ODAD2: variants seen among roughly 807,000 people sequenced by gnomAD.
ODAD2 encodes outer dynein arm docking complex subunit 2.
Under a neutral mutation model 106.8 loss-of-function variants are expected in ODAD2, and 89 were observed. That is an observed-to-expected ratio of 0.83 (90% CI 0.70 to 0.99). The LOEUF is 0.99. Among genes scored for constraint, ODAD2 ranks in the 50% least tolerant of loss-of-function variants. The probability of loss-of-function intolerance (pLI) is 0.00; values close to 1 mark genes in which losing one functional copy is unlikely to be tolerated. For missense variants in ODAD2, 1,168 were observed against 1,238.5 expected (o/e 0.94, Z 0.85); for synonymous variants, 404 against 436.2 (o/e 0.93, Z 0.92).
intron 10 of ODAD2, among the ~76,000 whole-genome samples, chr10:27,951,086 A>G (rs1847298928): frequency 6.6e-6 from 1 of 152,188 alleles, no homozygotes; most frequent in Non-Finnish European, 1.5e-5. Context: ...ACATGGAAAA[A>G]AGCTATTAAA....
intron 19 of ODAD2, among the ~76,000 whole-genome samples, chr10:27,832,427 A>G (rs1243105722): frequency 1.3e-5 from 2 of 152,168 alleles, no homozygotes; most frequent in African/African-American, 4.8e-5. Context: ...AATATGTCAC[A>G]TGCTGCTAGC....
In ODAD2 at chr10:27,995,100, C is replaced by T. The variant is rs375424862; in HGVS notation, c.43G>A (p.Gly15Arg). 4.3e-5 allele frequency: 69 copies of T among 1,613,928 alleles called. No individual in the cohort carries two copies. The highest frequency in any genetic ancestry group is 4.3e-4 in the African/African-American group (32 of 74,862). The stretch of plus-strand genomic sequence containing the variant: ...ATTTCGAGGATTCCAGTTCCATGTC[C>T]GGCAGCAGTCCACTGCGTCAATTTC... ...LRKLTQWTAAGHGTGILEITP... is the reference protein window; with the variant it reads ...LRKLTQWTAARHGTGILEITP... The change falls in exon 2 of 20, where the codon GGA becomes AGA. Residue 15 changes from glycine to arginine, a missense_variant. Physicochemically the swap from Gly to Arg is moderately radical, Grantham distance 125 (BLOSUM62 -2). Around this residue, in one of 3 missense-constraint regions of ODAD2, gnomAD observed 430 missense variants for 452.2 expected, o/e 0.95. Transcript: ENST00000305242.
chr10:27,828,865 C>T (rs565258129), intron 19 of ODAD2, among the ~76,000 whole-genome samples: 89 of 152,102 alleles, frequency 5.9e-4, no homozygotes, highest in Non-Finnish European at 1.0e-3. Flanking sequence ...CTAAATTATA[C>T]CCATATTAAA....
chr10:27,870,376 TTAAG>T (rs1322980585), intron 17 of ODAD2, among the ~76,000 whole-genome samples: 1 of 152,094 alleles, frequency 6.6e-6, no homozygotes, highest in African/African-American at 2.4e-5. Flanking sequence ...TTATCACACT[TTAAG>T]TTCTAGGGTA....
intron 6 of ODAD2, chr10:27,982,021 G>GT (rs1849582591): frequency 6.6e-6 from 1 of 152,612 alleles, no homozygotes; most frequent in Non-Finnish European, 1.5e-5. Flanking sequence ...TCTTCTGTCT[G>GT]TGGCATGGTT....
chr10:27,918,455 T>C (rs188195075), intron 16 of ODAD2, among the ~76,000 whole-genome samples: 7 of 151,998 alleles, frequency 4.6e-5, no homozygotes, highest in African/African-American at 1.7e-4. Context: ...AATCATCTGA[T>C]CATCTCAATA....
At chr10:27,909,129 C>G (rs533923854) in intron 16 of ODAD2, among the ~76,000 whole-genome samples, 1 of 152,116 alleles carries the variant, frequency 6.6e-6, no homozygotes, top group South Asian at 2.1e-4. Context: ...ATATAACTAA[C>G]GCCAATCTCT....
At chr10:27,871,559 C>T (rs934758616) in intron 17 of ODAD2, among the ~76,000 whole-genome samples, 1 of 152,190 alleles carries the variant, frequency 6.6e-6, no homozygotes, top group Non-Finnish European at 1.5e-5. Context: ...GATCCAGTTT[C>T]ACCTTTCTAC....
At chr10:27,960,204 A>C (rs11006786) in intron 10 of ODAD2, among the ~76,000 whole-genome samples, 85,837 of 151,266 alleles carry the variant, frequency 0.57, 24,611 homozygotes, top group Middle Eastern at 0.66. Context: ...TGATGTTGGT[A>C]AAATCATTAG....
intron 4 of ODAD2, among the ~76,000 whole-genome samples, chr10:27,984,763 A>G (rs1048367218): frequency 2.6e-5 from 4 of 152,198 alleles, no homozygotes; most frequent in Non-Finnish European, 5.9e-5. Context: ...GTTTGTTCCA[A>G]TAAAATGTAA....
chr10:27,880,450 T>C (rs576336268), intron 17 of ODAD2, among the ~76,000 whole-genome samples: 1 of 152,334 alleles, frequency 6.6e-6, no homozygotes, highest in Admixed American at 6.5e-5. Flanking sequence ...TGGAATTACC[T>C]GGAGAGTTTT....
chr10:27,950,391 A>G (rs1847247465), intron 10 of ODAD2, among the ~76,000 whole-genome samples: 1 of 152,222 alleles, frequency 6.6e-6, no homozygotes, highest in Admixed American at 6.5e-5. Context: ...TCTATTTTAC[A>G]CTGATGACTT....
intron 7 of ODAD2, 31 bp from the exon 8 acceptor site, chr10:27,971,344 T>C (rs756567170): frequency 1.3e-6 from 2 of 1,520,424 alleles, no homozygotes; most frequent in Non-Finnish European, 1.8e-6. Context: ...TAATTTTTAA[T>C]GATATCTGAA....
At chr10:27,853,751 GT>G (rs1219369675) in intron 19 of ODAD2, among the ~76,000 whole-genome samples, 1 of 151,984 alleles carries the variant, frequency 6.6e-6, no homozygotes, top group African/African-American at 2.4e-5. Context: ...TCATAAAAAA[GT>G]TTACTCGAAT....
At chr10:27,982,496 C>T (rs1379424914) in intron 6 of ODAD2, among the ~76,000 whole-genome samples, 4 of 152,126 alleles carry the variant, frequency 2.6e-5, no homozygotes, top group Non-Finnish European at 5.9e-5. Context: ...TTAGAGATTT[C>T]GTTTTTCTAA....
At position 27,824,898 on chromosome 10, in the gene ODAD2, T is replaced by C. The variant is rs76330689; in HGVS notation, c.3022-12273A>G. ...AACAGTGGAACAAGCTGGATTTTACTGAGATTTCCCCAGAATTTTAAGTCT... is the reference window on the plus strand; with the variant it reads ...AACAGTGGAACAAGCTGGATTTTACCGAGATTTCCCCAGAATTTTAAGTCT... On this transcript the variant is annotated intron_variant, in intron 19 of 19. Transcript: ENST00000305242. Among the ~76,000 whole-genome samples the C allele has an allele frequency of 7.9e-3, 1,204 of 152,334 alleles. 14 individuals carry two copies. The highest frequency in any genetic ancestry group is 0.027 in the African/African-American group (1,129 of 41,578).
At chr10:27,855,992 CT>C (rs1042830949) in intron 19 of ODAD2, among the ~76,000 whole-genome samples, 3 of 152,152 alleles carry the variant, frequency 2.0e-5, no homozygotes, top group Non-Finnish European at 4.4e-5. Flanking sequence ...TAGTTGATCA[CT>C]TTTTCTGTCC....
chr10:27,941,915 T>C (rs1466156329), intron 12 of ODAD2, among the ~76,000 whole-genome samples: 2 of 152,114 alleles, frequency 1.3e-5, no homozygotes, highest in Admixed American at 1.3e-4. Flanking sequence ...CAATCCCAAT[T>C]CCAAGTTCCT....
At chr10:27,941,411 G>A (rs1846418036) in intron 12 of ODAD2, among the ~76,000 whole-genome samples, 1 of 151,402 alleles carries the variant, frequency 6.6e-6, no homozygotes, top group Admixed American at 6.6e-5. Context: ...TTTGGGCCCA[G>A]GAGTTCAAGT....
Sources: allele counts gnomAD v4.1 joint callset (sites outside exome capture counted in the v4.1 genomes callset), GRCh38; gene constraint gnomAD v4.1.1; regional missense constraint gnomAD v4.1.1; transcripts MANE v1.5; gene names NCBI Gene and HGNC (gene_info 2026-07-23, HGNC 2026-07-21).